Variants in RTL4 observed in about 807,000 individuals in gnomAD.
RTL4 encodes retrotransposon Gag like 4.
A neutral mutation model predicts 5.3 loss-of-function variants in RTL4; 4 were observed. The ratio of observed to expected loss-of-function variants is 0.75; its 90% CI spans 0.37 to 1.72. RTL4 has a LOEUF of 1.72. RTL4 is among the 40% of genes most tolerant of loss of function. The pLI is 0.04. For synonymous variants in RTL4, 98 were observed against 87.3 expected, an observed-to-expected ratio of 1.12 and a Z score of -0.68; for missense variants, 260 against 227.1, an observed-to-expected ratio of 1.14 and a Z score of -0.93.
chrX:112,357,478 A>T, the RTL4 span, among the ~76,000 whole-genome samples: 1 of 111,805 alleles, frequency 8.9e-6, no homozygotes, highest in Non-Finnish European at 1.9e-5. Flanking sequence ...GGCAAAAAAT[A>T]ACTAATGCTC....
the RTL4 span, among the ~76,000 whole-genome samples, chrX:112,269,104 C>T: frequency 1.8e-5 from 2 of 112,100 alleles, no homozygotes; most frequent in African/African-American, 3.2e-5. Context: ...ATTGCCTCAA[C>T]AAATAGCTAT....
the RTL4 span, among the ~76,000 whole-genome samples, chrX:112,170,470 C>G: frequency 0.022 from 2,510 of 111,589 alleles, 36 homozygotes; most frequent in Non-Finnish European, 0.035. Flanking sequence ...CTTCGCTTCC[C>G]TTGTTAGTTG....
chrX:112,244,037 T>C, the RTL4 span, among the ~76,000 whole-genome samples: 3 of 112,370 alleles, frequency 2.7e-5, no homozygotes, highest in Admixed American at 2.8e-4. Flanking sequence ...GAGGTCTAAT[T>C]TGATTGCACT....
At chrX:112,133,056 A>G in the RTL4 span, among the ~76,000 whole-genome samples, 1 of 111,988 alleles carries the variant, frequency 8.9e-6, no homozygotes, top group East Asian at 2.8e-4. Context: ...TAAAATTTTG[A>G]TGAGGCCTTG....
the RTL4 span, among the ~76,000 whole-genome samples, chrX:112,372,898 G>C: frequency 9.0e-6 from 1 of 111,617 alleles, no homozygotes; most frequent in African/African-American, 3.3e-5. Context: ...CTCTGCCAAA[G>C]ATGAAAAAGT....
At chrX:112,139,891 G>A in the RTL4 span, among the ~76,000 whole-genome samples, 17 of 111,252 alleles carry the variant, frequency 1.5e-4, no homozygotes, top group African/African-American at 5.2e-4. Flanking sequence ...GGTTTCATGA[G>A]GCATTTCTGC....
chrX:112,439,047 A>G, the RTL4 span, among the ~76,000 whole-genome samples: 1 of 111,948 alleles, frequency 8.9e-6, no homozygotes, highest in Non-Finnish European at 1.9e-5. Flanking sequence ...GGAAGTAAAC[A>G]TACTAGCTTT....
chrX:112,278,950 C>T, the RTL4 span, among the ~76,000 whole-genome samples: 1 of 111,203 alleles, frequency 9.0e-6, no homozygotes, highest in East Asian at 2.8e-4. Context: ...GCAATGAAAC[C>T]TTTGAAAATT....
chrX:112,441,245 A>G, the RTL4 span, among the ~76,000 whole-genome samples: 1 of 110,831 alleles, frequency 9.0e-6, no homozygotes, highest in East Asian at 2.8e-4. Context: ...AAGGTTCTAT[A>G]TTGTAGGATT....
At chrX:112,241,241 A>G in the RTL4 span, among the ~76,000 whole-genome samples, 2 of 111,364 alleles carry the variant, frequency 1.8e-5, no homozygotes, top group African/African-American at 6.5e-5. Flanking sequence ...TGGTATTTCT[A>G]GTTCTAGATC....
At chrX:112,233,958 C>T in the RTL4 span, among the ~76,000 whole-genome samples, 39 of 110,753 alleles carry the variant, frequency 3.5e-4, no homozygotes, top group African/African-American at 1.0e-3. Context: ...TTTGGGAGGC[C>T]GAGGCAGGCA....
chrX:112,288,806 A>G, the RTL4 span, among the ~76,000 whole-genome samples: 1 of 111,473 alleles, frequency 9.0e-6, no homozygotes, highest in Non-Finnish European at 1.9e-5. Flanking sequence ...AGTAACTCTT[A>G]AGCTCTATTA....
At chrX:112,176,053 A>G in the RTL4 span, among the ~76,000 whole-genome samples, 4,949 of 110,267 alleles carry the variant, frequency 0.045, 306 homozygotes, top group African/African-American at 0.16. Flanking sequence ...AAATCAATGT[A>G]CAAAAATCAC....
At chrX:112,233,183 G>T in the RTL4 span, among the ~76,000 whole-genome samples, 1 of 111,891 alleles carries the variant, frequency 8.9e-6, no homozygotes, top group Non-Finnish European at 1.9e-5. Flanking sequence ...CCAACAGAGT[G>T]TAAACTTGTC....
chrX:112,296,430 G>T, the RTL4 span, among the ~76,000 whole-genome samples: 3 of 110,273 alleles, frequency 2.7e-5, no homozygotes, highest in African/African-American at 9.9e-5. Context: ...CCTGTATTTT[G>T]TTCCCCACTA....
the RTL4 span, among the ~76,000 whole-genome samples, chrX:112,133,166 A>T: frequency 8.9e-6 from 1 of 111,882 alleles, no homozygotes; most frequent in Non-Finnish European, 1.9e-5. Flanking sequence ...CTGCAGGTAA[A>T]AGACATTTCC....
chrX:112,333,217 C>T, the RTL4 span, among the ~76,000 whole-genome samples: 1 of 110,509 alleles, frequency 9.0e-6, no homozygotes, highest in Non-Finnish European at 1.9e-5. Context: ...CAGTGGTTAC[C>T]AGGGTGAGGA....
chrX:112,157,064 T>TTGTGTGTGTG, the RTL4 span, among the ~76,000 whole-genome samples: 111 of 96,584 alleles, frequency 1.1e-3, no homozygotes, highest in African/African-American at 2.9e-3. Context: ...GTTATACTGT[T>TTGTGTGTGTG]TGTGTGTGTG....
chrX:112,233,920 G>A, the RTL4 span, among the ~76,000 whole-genome samples: 1 of 111,687 alleles, frequency 9.0e-6, no homozygotes, highest in Non-Finnish European at 1.9e-5. Flanking sequence ...GGCCGGGAGT[G>A]GTGGGCTCAC....
Sources: gnomAD v4.1 joint callset for allele counts (sites outside exome capture counted in the v4.1 genomes callset) on GRCh38, gnomAD v4.1.1 for gene constraint, MANE v1.5 for transcripts, NCBI Gene and HGNC (gene_info 2026-07-23, HGNC 2026-07-21) for gene names.